KAT2B: variants seen among roughly 807,000 people sequenced by gnomAD.
KAT2B encodes histone acetyltransferase KAT2B.
A neutral mutation model predicts 105.9 loss-of-function variants in KAT2B; 36 were observed. That is an observed-to-expected ratio of 0.34 (90% CI 0.26 to 0.45). The LOEUF (loss-of-function observed/expected upper bound fraction) is 0.45. Among genes scored for constraint, KAT2B ranks in the 20% least tolerant of loss-of-function variants. The pLI, the probability that KAT2B is intolerant of heterozygous loss-of-function variation, is 1.00. For synonymous variants in KAT2B, 397 were observed against 377.9 expected (o/e 1.05, Z -0.59); for missense variants, 820 against 1,021.6 (o/e 0.80, Z 2.69).
At chr3:20,145,827 T>G (rs1264643104) in intron 13 of KAT2B, among the ~76,000 whole-genome samples, 1 of 152,178 alleles carries the variant, frequency 6.6e-6, no homozygotes, top group Non-Finnish European at 1.5e-5. Context: ...TTGAAAAATT[T>G]AAATAGTAAA....
At chr3:20,137,163 G>T in intron 12 of KAT2B, 111 bp downstream of exon 12, 1 of 631,738 alleles carries the variant, frequency 1.6e-6, no homozygotes, top group East Asian at 2.7e-5. Context: ...TATAAGAACA[G>T]GCATTTGTTT....
intron 1 of KAT2B, among the ~76,000 whole-genome samples, chr3:20,050,452 G>C (rs529926733): frequency 1.3e-4 from 20 of 152,026 alleles, no homozygotes; most frequent in African/African-American, 4.8e-4. Context: ...CCCCACTCCT[G>C]GTAATCCTTA....
intron 17 of KAT2B, among the ~76,000 whole-genome samples, chr3:20,150,518 C>T (rs1176134076): frequency 1.3e-5 from 2 of 152,142 alleles, no homozygotes; most frequent in Admixed American, 1.3e-4. Context: ...CAGGGTTTTG[C>T]TGCTTACCCA....
Position 20,060,705 on chromosome 3 carries a change from C to T in KAT2B, c.304-11628C>T, listed in dbSNP as rs544723111. Among the ~76,000 whole-genome samples the T allele has an allele frequency of 8.7e-4, 132 of 151,958 alleles. 1 individual carries two copies. Among genetic ancestry groups the T allele is most frequent in the African/African-American group, 3.2e-3 (131 of 41,438 alleles). ...TTTGGGAGGCTGAGGTGGGAAGATCCCTTGAGTCCAGGAGTTTGAGACCAG... is the reference window on the plus strand; with the variant it reads ...TTTGGGAGGCTGAGGTGGGAAGATCTCTTGAGTCCAGGAGTTTGAGACCAG... On this transcript the variant is annotated intron_variant, in intron 1 of 17. Coordinates refer to ENST00000263754, the MANE Select transcript of KAT2B (RefSeq NM_003884.5).
intron 11 of KAT2B, among the ~76,000 whole-genome samples, chr3:20,132,348 G>A (rs1193372092): frequency 2.0e-5 from 3 of 152,122 alleles, no homozygotes; most frequent in Non-Finnish European, 4.4e-5. Flanking sequence ...ACTTCAGCCT[G>A]GGCAACAAGA....
At chr3:20,106,965 ATATATATATATATG>A (rs1278816333) in intron 5 of KAT2B, among the ~76,000 whole-genome samples, 258 of 15,246 alleles carry the variant, frequency 0.017, 9 homozygotes, top group African/African-American at 0.098. Flanking sequence ...TTATGTGTAT[ATATATATATATATG>A]TATATATATA....
intron 13 of KAT2B, among the ~76,000 whole-genome samples, chr3:20,145,451 T>G (rs1242534653): frequency 6.6e-6 from 1 of 152,090 alleles, no homozygotes; most frequent in Non-Finnish European, 1.5e-5. Context: ...GAAGTAGATT[T>G]TTTTGTTTTC....
intron 4 of KAT2B, among the ~76,000 whole-genome samples, chr3:20,100,779 A>G (rs1214680463): frequency 3.3e-5 from 5 of 152,212 alleles, no homozygotes; most frequent in African/African-American, 1.2e-4. Flanking sequence ...AATGATATAT[A>G]TATTTTGGTA....
At chr3:20,120,548 G>A (rs1007309813) in intron 8 of KAT2B, among the ~76,000 whole-genome samples, 38 of 152,170 alleles carry the variant, frequency 2.5e-4, no homozygotes, top group African/African-American at 8.2e-4. Flanking sequence ...TCATTCTGTC[G>A]TCCAAAGCAA....
At chr3:20,068,202 G>A (rs2125178201) in intron 1 of KAT2B, among the ~76,000 whole-genome samples, 1 of 151,622 alleles carries the variant, frequency 6.6e-6, no homozygotes, top group East Asian at 1.9e-4. Context: ...CACCATGTTG[G>A]CCAGGTTGGT....
intron 1 of KAT2B, among the ~76,000 whole-genome samples, chr3:20,060,182 T>C (rs1467844774): frequency 1.3e-5 from 2 of 152,264 alleles, no homozygotes; most frequent in African/African-American, 2.4e-5. Flanking sequence ...TGAATAATGT[T>C]GCTGAGGCAT....
chr3:20,060,108 C>T (rs1698074297), intron 1 of KAT2B, among the ~76,000 whole-genome samples: 1 of 152,192 alleles, frequency 6.6e-6, no homozygotes, highest in Non-Finnish European at 1.5e-5. Flanking sequence ...ATGACTAGAA[C>T]ACATTTTGCT....
rs2293141 is a variant in KAT2B, at chr3:20,095,153, A to T, written c.431-110A>T. ...AGAAATTTTCTCTTATTACCAGTGAACTTAAAGGATTGATGGTAAGACTGA... is the reference window on the plus strand; with the variant it reads ...AGAAATTTTCTCTTATTACCAGTGATCTTAAAGGATTGATGGTAAGACTGA... On this transcript the variant is annotated intron_variant, in intron 2 of 17. Transcript: ENST00000263754. 309,971 of 827,244 alleles carry T rather than the reference A, an allele frequency of 0.37. 61,578 individuals carry two copies. Among genetic ancestry groups the T allele is most frequent in the East Asian group, 0.64 (24,864 of 38,838 alleles). The allele number at this position is 827,244 out of a possible 1,614,324, so 51.2% of individuals were successfully genotyped here. A position where few individuals can be genotyped will look rare whatever the true frequency, so the allele number is the denominator to read the frequency against.
chr3:20,095,834 C>T (rs933258870), intron 3 of KAT2B, among the ~76,000 whole-genome samples: 7 of 151,892 alleles, frequency 4.6e-5, no homozygotes, highest in South Asian at 2.1e-4. Context: ...AAGTGTTGGC[C>T]GAAGAGAAAC....
chr3:20,140,613 C>T (rs1016794495), intron 13 of KAT2B, among the ~76,000 whole-genome samples: 1 of 152,120 alleles, frequency 6.6e-6, no homozygotes, highest in Non-Finnish European at 1.5e-5. Flanking sequence ...ACCTCAGCCT[C>T]CCGAGTAGCT....
At chr3:20,091,987 A>G (rs1053324830) in intron 2 of KAT2B, among the ~76,000 whole-genome samples, 1 of 152,166 alleles carries the variant, frequency 6.6e-6, no homozygotes, top group Non-Finnish European at 1.5e-5. Flanking sequence ...TTTATGGACT[A>G]TCATCTGATC....
At chr3:20,107,606 G>A (rs1386393048) in intron 5 of KAT2B, among the ~76,000 whole-genome samples, 1 of 143,470 alleles carries the variant, frequency 7.0e-6, no homozygotes, top group Non-Finnish European at 1.5e-5. Context: ...GCAGTGAGTC[G>A]AGATCATGCC....
intron 2 of KAT2B, among the ~76,000 whole-genome samples, chr3:20,092,620 G>T (rs946976479): frequency 6.6e-6 from 1 of 151,844 alleles, no homozygotes; most frequent in African/African-American, 2.4e-5. Flanking sequence ...AGGTACATGT[G>T]TATTTACAGT....
chr3:20,099,772 A>T, intron 3 of KAT2B, 90 bp from the exon 4 acceptor site: 1 of 669,408 alleles, frequency 1.5e-6, no homozygotes, highest in Non-Finnish European at 2.7e-6. Context: ...AGAGAGAGAG[A>T]GAGACAGACA....
Sources: allele counts gnomAD v4.1 joint callset (sites outside exome capture counted in the v4.1 genomes callset), GRCh38; gene constraint gnomAD v4.1.1; transcripts MANE v1.5; gene names NCBI Gene and HGNC (gene_info 2026-07-23, HGNC 2026-07-21).